The following CYP4V2 variants were observed in gnomAD, a reference collection of about 807,000 sequenced individuals.
CYP4V2 encodes cytochrome P450 4V2.
In CYP4V2, 55 loss-of-function variants were observed where a neutral mutation model predicts 60.8. The observed-to-expected ratio is 0.90, with a 90% CI of 0.73 to 1.13. The LOEUF (loss-of-function observed/expected upper bound fraction) is 1.13, where lower values mean the gene tolerates loss of function less well. Ranked by LOEUF, CYP4V2 falls within the 50% of genes most tolerant of loss-of-function variation. The probability of loss-of-function intolerance (pLI) is 0.00; values close to 1 mark genes in which losing one functional copy is unlikely to be tolerated. For missense variants in CYP4V2, 675 were observed against 662.9 expected, an observed-to-expected ratio of 1.02 and a Z score of -0.20; for synonymous variants, 239 against 236.8, an observed-to-expected ratio of 1.01 and a Z score of -0.08.
intron 1 of CYP4V2, 59 bp downstream of exon 1, chr4:186,192,096 C>T (rs1736006046): frequency 1.3e-6 from 2 of 1,527,644 alleles, no homozygotes; most frequent in Admixed American, 2.0e-5. Context: ...TCCCACCCTC[C>T]GATCAGCCAG....
At chr4:186,207,861 G>A (rs578008278) in intron 8 of CYP4V2, among the ~76,000 whole-genome samples, 41 of 152,102 alleles carry the variant, frequency 2.7e-4, no homozygotes, top group Admixed American at 5.9e-4. Context: ...TACCTATTCC[G>A]AGTACTTCCT....
rs1475165142 is a variant in CYP4V2 at position 186,194,519 on chromosome 4, T to G, written c.234T>G (p.Ile78Met). 1.2e-6 allele frequency: 2 copies of G among 1,614,062 alleles called. No homozygotes were observed. The highest frequency in any genetic ancestry group is 1.7e-6 in the Non-Finnish European group (2 of 1,180,004). ...PDGREFFQQI[I>M]EYTEEYRHMP... Reference sequence around the variant, plus strand: ...CCCCAGAATTTTTTCAGCAGATCATTGAGTACACAGAGGAATACCGCCACA... The same window carrying G: ...CCCCAGAATTTTTTCAGCAGATCATGGAGTACACAGAGGAATACCGCCACA... Residue 78 changes from isoleucine (I) to methionine (M), a missense_variant, in exon 2 of 11, where the codon ATT becomes ATG. Transcript: ENST00000378802.
chr4:186,201,314 GAGA>G lies in CYP4V2; in HGVS notation c.965_967del (p.Glu322del), dbSNP rs765317114. On this transcript the variant is annotated inframe_deletion, in exon 7 of 11. Transcript: ENST00000378802. ...AACAGGCTAAGTCATGAAGATATTC[GAGA>G]AGAAGTTGACACCTTCATGTTTGAG... is the stretch of plus-strand genomic sequence containing the variant. The G allele has an allele frequency of 3.4e-5, 55 of 1,614,012 alleles. No individual in the cohort carries two copies. Among genetic ancestry groups the G allele is most frequent in the Non-Finnish European group, 3.9e-5 (46 of 1,180,048 alleles).
rs1409799943 is a variant in CYP4V2, at chr4:186,212,543, A to G, written c.*1902A>G. Reference sequence around the variant, plus strand: ...TTTATTCACTCTTCATAGAATCACAATTACCTTTATATATCATATGTTATT... The same window carrying G: ...TTTATTCACTCTTCATAGAATCACAGTTACCTTTATATATCATATGTTATT... On this transcript the variant is annotated 3_prime_UTR_variant, in exon 11 of 11. Transcript: ENST00000378802. 1 of 152,214 alleles carries G rather than the reference A, an allele frequency of 6.6e-6. No homozygotes were observed. Among genetic ancestry groups the G allele is most frequent in the East Asian group, 1.9e-4 (1 of 5,192 alleles). 9.4% of individuals were successfully genotyped at this position (152,214 alleles called of 1,614,324 possible).
intron 1 of CYP4V2, among the ~76,000 whole-genome samples, chr4:186,192,558 CATA>C (rs1736022785): frequency 6.6e-6 from 1 of 152,216 alleles, no homozygotes; most frequent in African/African-American, 2.4e-5. Flanking sequence ...AAGGATGTTA[CATA>C]ATAACAATTA....
rs895343664 is a variant in CYP4V2, at chr4:186,211,679, A to G, written c.*1038A>G. Reference sequence around the variant, plus strand: ...AATACACACATACACACACACACACACACACACACACACACACATACACAC... The same window carrying G: ...AATACACACATACACACACACACACGCACACACACACACACACATACACAC... On this transcript the variant is annotated 3_prime_UTR_variant, in exon 11 of 11. Coordinates refer to ENST00000378802, the MANE Select transcript of CYP4V2 (RefSeq NM_207352.4). 5 of 81,894 alleles carry G rather than the reference A, an allele frequency of 6.1e-5. No homozygotes were observed. The highest frequency in any genetic ancestry group is 8.5e-5 in the Non-Finnish European group (3 of 35,116). The allele number at this position is 81,894 out of a possible 1,614,324, so 5.1% of individuals were successfully genotyped here.
At position 186,201,456 on chromosome 4, in the gene CYP4V2, T is replaced by C. The variant is rs1736305575; in HGVS notation, c.987+114T>C. ...TTAAAGTAGTTTAACTAAAGAAGATTCATTATATTTTAATTAGAAATTACA... is the reference window on the plus strand; with the variant it reads ...TTAAAGTAGTTTAACTAAAGAAGATCCATTATATTTTAATTAGAAATTACA... On this transcript the variant is annotated intron_variant, in intron 7 of 10. Transcript: ENST00000378802. 2.3e-5 allele frequency: 27 copies of C among 1,198,586 alleles called. No homozygotes were observed. The South Asian group carries it at 4.0e-4, about 18-fold the overall frequency. 74.2% of individuals were successfully genotyped at this position (1,198,586 alleles called of 1,614,324 possible). A position where few individuals can be genotyped will look rare whatever the true frequency, so the allele number is the denominator to read the frequency against.
At chr4:186,193,977 T>C (rs1736067364) in intron 1 of CYP4V2, among the ~76,000 whole-genome samples, 1 of 152,178 alleles carries the variant, frequency 6.6e-6, no homozygotes, top group Non-Finnish European at 1.5e-5. Flanking sequence ...AACCACAGAT[T>C]GAGACCTCCC....
In CYP4V2 at chr4:186,209,222, G is replaced by A. The variant is rs149681054; in HGVS notation, c.1355G>A (p.Arg452His). Residue 452 changes from arginine to histidine, a missense_variant, in exon 10 of 11, where the codon CGC becomes CAC. By Grantham distance (29) the Arg-to-His change is conservative (BLOSUM62 0). Coordinates refer to ENST00000378802, the MANE Select transcript of CYP4V2 (RefSeq NM_207352.4). ...ERFFPENAQG[R>H]HPYAYVPFSA... The stretch of plus-strand genomic sequence containing the variant: ...TTCTTCCCCGAGAATGCACAAGGGC[G>A]CCATCCATATGCCTACGTGCCCTTC... 148 of 1,613,820 alleles carry A rather than the reference G, an allele frequency of 9.2e-5. No individual in the cohort carries two copies. The highest frequency in any genetic ancestry group is 1.6e-4 in the Middle Eastern group (1 of 6,084).
intron 1 of CYP4V2, 186 bp downstream of exon 1, chr4:186,192,223 C>T: frequency 1.3e-6 from 1 of 773,036 alleles, no homozygotes. Context: ...AGTGCCCCAT[C>T]CCAAAGTGAG....
chr4:186,201,289 A>T lies in CYP4V2; in HGVS notation c.934A>T (p.Asn312Tyr), dbSNP rs1170838878. The change falls in exon 7 of 11, where the codon AAC (asparagine) becomes TAC (tyrosine). Residue 312 changes from asparagine (N) to tyrosine (Y), a missense_variant. Transcript: ENST00000378802. Reference sequence around the variant, plus strand: ...TTTAAGTGTGACTGATGACGAAGGGAACAGGCTAAGTCATGAAGATATTCG... The same window carrying T: ...TTTAAGTGTGACTGATGACGAAGGGTACAGGCTAAGTCATGAAGATATTCG... Reference protein sequence around the residue: ...LLLSVTDDEGNRLSHEDIREE... With the variant: ...LLLSVTDDEGYRLSHEDIREE... 1.2e-6 allele frequency: 2 copies of T among 1,614,210 alleles called. No homozygotes were observed. The highest frequency in any genetic ancestry group is 8.5e-7 in the Non-Finnish European group (1 of 1,180,046).
At chr4:186,197,742 A>C in intron 5 of CYP4V2, 140 bp downstream of exon 5, 3 of 856,276 alleles carry the variant, frequency 3.5e-6, no homozygotes, top group Non-Finnish European at 3.8e-6. Flanking sequence ...TCATGTAAGC[A>C]TGTGTTTAAG....
At chr4:186,210,314 A>G (rs536016425) in intron 10 of CYP4V2, among the ~76,000 whole-genome samples, 155 bp from the exon 11 acceptor site, 1 of 152,154 alleles carries the variant, frequency 6.6e-6, no homozygotes, top group African/African-American at 2.4e-5. Context: ...GAAACTCAAG[A>G]CTCTTCATCT....
intron 2 of CYP4V2, among the ~76,000 whole-genome samples, chr4:186,194,853 T>C (rs993971161): frequency 2.0e-5 from 3 of 152,242 alleles, no homozygotes; most frequent in Non-Finnish European, 4.4e-5. Context: ...ATTTATTCTT[T>C]TTTTGAAAGG....
chr4:186,206,023 T>C (rs1474537079), intron 8 of CYP4V2, among the ~76,000 whole-genome samples: 1 of 152,188 alleles, frequency 6.6e-6, no homozygotes, highest in African/African-American at 2.4e-5. Flanking sequence ...ATCAGTGTCA[T>C]TGAGCCCACA....
In CYP4V2 at chr4:186,209,178, G is replaced by A; in HGVS notation, c.1311G>A (p.Glu437=). ...HRDPRYFPNP[E]EFQPERFFPE... is the part of the protein sequence containing the mutation. The stretch of plus-strand genomic sequence containing the variant: ...ATCCGAGATACTTCCCCAACCCCGA[G>A]GAGTTCCAGCCTGAGCGGTTCTTCC... Residue 437 remains glutamate (E), a synonymous_variant, in exon 10 of 11, where the codon GAG becomes GAA. Coordinates refer to ENST00000378802, the MANE Select transcript of CYP4V2 (RefSeq NM_207352.4). The A allele has an allele frequency of 6.2e-7, 1 of 1,614,070 alleles. No individual in the cohort carries two copies. Among genetic ancestry groups the A allele is most frequent in the Non-Finnish European group, 8.5e-7 (1 of 1,180,008 alleles).
intron 6 of CYP4V2, 94 bp downstream of exon 6, chr4:186,199,177 T>C (rs1208304172): frequency 1.5e-5 from 19 of 1,309,810 alleles, no homozygotes; most frequent in Non-Finnish European, 1.9e-5. Flanking sequence ...TGGTATTAAG[T>C]GCATTCACGA....
Position 186,211,655 on chromosome 4 carries a change from A to AT in CYP4V2, c.*1015dup, listed in dbSNP as rs1374058222. On this transcript the variant is annotated 3_prime_UTR_variant, in exon 11 of 11. Transcript: ENST00000378802. ...TAAAGGTATTCATGGTGACTCAGGAATACACACATACACACACACACACAC... is the reference window on the plus strand; with the variant it reads ...TAAAGGTATTCATGGTGACTCAGGAATTACACACATACACACACACACACAC... The AT allele has an allele frequency of 2.3e-5, 2 of 85,274 alleles. No individual in the cohort carries two copies. The highest frequency in any genetic ancestry group is 4.8e-5 in the Non-Finnish European group (2 of 41,714). 5.3% of individuals were successfully genotyped at this position (85,274 alleles called of 1,614,324 possible). A position where few individuals can be genotyped will look rare whatever the true frequency, so the allele number is the denominator to read the frequency against.
chr4:186,196,985 T>C lies in CYP4V2; in HGVS notation c.459T>C (p.Thr153=), dbSNP rs1031419655. ...CCAGGAGAAAGATGTTAACACCCAC[T>C]TTCCATTTTACCATTCTGGAAGATT... ...WRSRRKMLTP[T]FHFTILEDFL... is the part of the protein sequence containing the mutation. The change falls in exon 4 of 11, where the codon ACT becomes ACC. Residue 153 remains threonine (T), a synonymous_variant. Coordinates refer to ENST00000378802, the MANE Select transcript of CYP4V2 (RefSeq NM_207352.4). The C allele has an allele frequency of 6.2e-7, 1 of 1,613,706 alleles. No individual in the cohort carries two copies. The highest frequency in any genetic ancestry group is 8.5e-7 in the Non-Finnish European group (1 of 1,179,982).
Sources: allele counts gnomAD v4.1 joint callset (sites outside exome capture counted in the v4.1 genomes callset), GRCh38; gene constraint gnomAD v4.1.1; transcripts MANE v1.5; gene names NCBI Gene and HGNC (gene_info 2026-07-23, HGNC 2026-07-21).